ADGRF1: variants seen among roughly 807,000 people sequenced by gnomAD.
ADGRF1 encodes adhesion G protein-coupled receptor F1, also known as G protein-coupled receptor 110.
ADGRF1 carries 85 observed loss-of-function variants against 87.2 expected under a neutral mutation model. The observed-to-expected ratio is 0.97, with a 90% CI of 0.82 to 1.17. The LOEUF is 1.17. Among genes scored for constraint, ADGRF1 ranks in the 50% most tolerant of loss-of-function variants. ADGRF1 has a pLI of 0.00. For missense variants in ADGRF1, 1,169 were observed against 1,077.2 expected (o/e 1.09, Z -1.19); for synonymous variants, 430 against 408.8 (o/e 1.05, Z -0.63).
chr6:47,032,066 CT>C (rs2113906664), intron 1 of ADGRF1, among the ~76,000 whole-genome samples: 1 of 152,254 alleles, frequency 6.6e-6, no homozygotes, highest in Admixed American at 6.5e-5. Flanking sequence ...GGTTTGAGAG[CT>C]GTTATTCTAG....
intron 14 of ADGRF1, 148 bp from the exon 15 acceptor site, chr6:47,000,443 G>T: frequency 1.8e-6 from 1 of 561,624 alleles, no homozygotes; most frequent in African/African-American, 1.9e-5. Flanking sequence ...GTGGTTGGTG[G>T]AGAGAAATAG....
chr6:47,028,856 C>G (rs1217996648), intron 2 of ADGRF1, 137 bp downstream of exon 2: 8 of 704,134 alleles, frequency 1.1e-5, no homozygotes, highest in Non-Finnish European at 1.8e-5. Flanking sequence ...AATGTTGAAA[C>G]GAGAACTCAG....
At chr6:47,027,629 G>A (rs1342567445) in intron 3 of ADGRF1, 75 bp downstream of exon 3, 3 of 908,618 alleles carry the variant, frequency 3.3e-6, no homozygotes, top group Non-Finnish European at 5.4e-6. Flanking sequence ...AACCAGTCAG[G>A]GGCACCGCTG....
chr6:47,012,811 C>T, intron 9 of ADGRF1: 1 of 978,080 alleles, frequency 1.0e-6, no homozygotes, highest in Non-Finnish European at 1.2e-6. Context: ...GCTCTGTCAG[C>T]CAGGCTGGAG....
intron 1 of ADGRF1, among the ~76,000 whole-genome samples, chr6:47,035,780 G>A (rs772330357): frequency 1.3e-5 from 2 of 152,156 alleles, no homozygotes; most frequent in East Asian, 1.9e-4. Flanking sequence ...AAGGAAGAAC[G>A]TACATTTCAA....
At chr6:47,012,386 AC>A in intron 9 of ADGRF1, 191 bp from the exon 10 acceptor site, 2 of 986,682 alleles carry the variant, frequency 2.0e-6, no homozygotes, top group African/African-American at 3.3e-5. Context: ...TAGGTGCTTT[AC>A]CAGGGATTCA....
chr6:47,026,231 G>A (rs2113899947), intron 3 of ADGRF1, among the ~76,000 whole-genome samples: 1 of 152,160 alleles, frequency 6.6e-6, no homozygotes, highest in Non-Finnish European at 1.5e-5. Flanking sequence ...CTTCTGCCAG[G>A]CCAGCTGCCC....
At chr6:47,022,810 T>C (rs564264291) in intron 5 of ADGRF1, among the ~76,000 whole-genome samples, 2 of 148,426 alleles carry the variant, frequency 1.3e-5, no homozygotes, top group Non-Finnish European at 3.0e-5. Flanking sequence ...TTTTCTTTTT[T>C]TTTTTTTTTT....
At chr6:47,014,410 C>T (rs1439650334) in intron 9 of ADGRF1, 1 of 1,140,646 alleles carries the variant, frequency 8.8e-7, no homozygotes, top group Non-Finnish European at 1.1e-6. Flanking sequence ...CATCATAGAC[C>T]TCCTCAGCAA....
At chr6:47,031,016 G>A (rs1406969912) in intron 1 of ADGRF1, among the ~76,000 whole-genome samples, 1 of 152,104 alleles carries the variant, frequency 6.6e-6, no homozygotes, top group Non-Finnish European at 1.5e-5. Flanking sequence ...GCCTGCTTCG[G>A]ACTCCCAAAA....
At chr6:47,013,242 T>G in intron 9 of ADGRF1, 1 of 985,498 alleles carries the variant, frequency 1.0e-6, no homozygotes, top group Non-Finnish European at 1.2e-6. Flanking sequence ...ACAATGCTGT[T>G]TTCTGTTCAA....
In ADGRF1 at chr6:47,013,687, CA is replaced by C. The variant is rs1779774571; in HGVS notation, c.927+993del. ...CTGATGTGGTTTGGCTCTGTGTCCC[CA>C]CCCAAATCTTATGTCGAGTTATAAT... On this transcript the variant is annotated intron_variant, in intron 9 of 14. Coordinates refer to ENST00000371253, the MANE Select transcript of ADGRF1 (RefSeq NM_153840.4). The C allele has an allele frequency of 3.1e-6, 3 of 980,888 alleles. No individual in the cohort carries two copies. In the African/African-American group the frequency reaches 5.3e-5, roughly 17 times the overall value. The allele number at this position is 980,888 out of a possible 1,614,324, so 60.8% of individuals were successfully genotyped here. A position where few individuals can be genotyped will look rare whatever the true frequency, so the allele number is the denominator to read the frequency against.
At chr6:47,037,398 G>C (rs192904639) in intron 1 of ADGRF1, among the ~76,000 whole-genome samples, 1 of 152,208 alleles carries the variant, frequency 6.6e-6, no homozygotes, top group East Asian at 1.9e-4. Flanking sequence ...CTCATGATTT[G>C]TAGTTCATCT....
At chr6:47,036,918 C>T (rs1251614213) in intron 1 of ADGRF1, among the ~76,000 whole-genome samples, 1 of 152,144 alleles carries the variant, frequency 6.6e-6, no homozygotes, top group African/African-American at 2.4e-5. Context: ...TTTTGAACTC[C>T]CACAATTTGT....
rs1437691133 is a variant in ADGRF1, at chr6:47,013,507, C to G, written c.927+1174G>C. 9.1e-6 allele frequency: 9 copies of G among 985,354 alleles called. No homozygotes were observed. In the Admixed American group the frequency reaches 3.1e-4, roughly 34 times the overall value. 61.0% of individuals were successfully genotyped at this position (985,354 alleles called of 1,614,324 possible). On this transcript the variant is annotated intron_variant, in intron 9 of 14. Transcript: ENST00000371253. The stretch of plus-strand genomic sequence containing the variant: ...TAGAAGTTCTGCTCAATATGGAAAT[C>G]TACTTGCTGAACAGTATCTGTGAAC...
chr6:47,022,085 G>T, intron 5 of ADGRF1, 27 bp from the exon 6 acceptor site: 1 of 1,272,136 alleles, frequency 7.9e-7, no homozygotes, highest in Non-Finnish European at 1.1e-6. Flanking sequence ...TAAGTTTATA[G>T]ACATAATAAA....
chr6:47,012,747 GC>G (rs1779746733), intron 9 of ADGRF1: 4 of 985,312 alleles, frequency 4.1e-6, no homozygotes, highest in South Asian at 9.4e-5. Flanking sequence ...GCTTGTGCCA[GC>G]CCCCGTTTTG....
chr6:47,003,075 A>G (rs1206646486), intron 13 of ADGRF1, among the ~76,000 whole-genome samples: 2 of 145,066 alleles, frequency 1.4e-5, no homozygotes, highest in Non-Finnish European at 1.5e-5. Flanking sequence ...AAGCCCCCCA[A>G]CCAACTGAAT....
At position 47,005,669 on chromosome 6, in the gene ADGRF1, C is replaced by G. The variant is rs570121720; in HGVS notation, c.2592+148G>C. On this transcript the variant is annotated intron_variant, in intron 13 of 14. Coordinates refer to ENST00000371253, the MANE Select transcript of ADGRF1 (RefSeq NM_153840.4). ...ACAACTCTTTACTACCACTCATGTG[C>G]CAGGCTCCATGTCAGATACCAGGAA... The G allele has an allele frequency of 1.9e-5, 11 of 566,408 alleles. No individual in the cohort carries two copies. The African/African-American group carries it at 2.1e-4, about 11-fold the overall frequency. The allele number at this position is 566,408 out of a possible 1,614,324, so 35.1% of individuals were successfully genotyped here.
Sources: gnomAD v4.1 joint callset for allele counts (sites outside exome capture counted in the v4.1 genomes callset) on GRCh38, gnomAD v4.1.1 for gene constraint, MANE v1.5 for transcripts, NCBI Gene and HGNC (gene_info 2026-07-23, HGNC 2026-07-21) for gene names.